DLG2: variants seen among roughly 807,000 people sequenced by gnomAD.
DLG2 encodes disks large homolog 2.
DLG2 carries 45 observed loss-of-function variants against 132.5 expected under a neutral mutation model. That is an observed-to-expected ratio of 0.34 (90% CI 0.27 to 0.44). The LOEUF (loss-of-function observed/expected upper bound fraction) is 0.44. Ranked by LOEUF, DLG2 falls within the 20% of genes least tolerant of loss-of-function variation. The pLI, the probability that DLG2 is intolerant of heterozygous loss-of-function variation, is 1.00. For synonymous variants in DLG2, 424 were observed against 419.6 expected (o/e 1.01, Z -0.13); for missense variants, 1,045 against 1,196.9 (o/e 0.87, Z 1.87).
intron 9 of DLG2, among the ~76,000 whole-genome samples, chr11:84,124,872 G>A (rs1321651719): frequency 8.0e-6 from 1 of 124,766 alleles, no homozygotes; most frequent in Non-Finnish European, 1.6e-5. Flanking sequence ...TTTTTTGAGA[G>A]GGTGTTTCGC....
chr11:83,676,705 T>C (rs2077759004), intron 18 of DLG2, among the ~76,000 whole-genome samples: 1 of 152,190 alleles, frequency 6.6e-6, no homozygotes, highest in African/African-American at 2.4e-5. Flanking sequence ...CAATGCATTC[T>C]GCCTTTCCAC....
chr11:84,720,535 G>A (rs2061692678), intron 6 of DLG2: 1 of 973,106 alleles, frequency 1.0e-6, no homozygotes, highest in Non-Finnish European at 1.2e-6. Flanking sequence ...CCGGAGCCCC[G>A]GTGGAAGCAA....
intron 3 of DLG2, among the ~76,000 whole-genome samples, chr11:85,445,367 G>C (rs2091960651): frequency 6.6e-6 from 1 of 152,106 alleles, no homozygotes; most frequent in Non-Finnish European, 1.5e-5. Flanking sequence ...AAAGCCCATT[G>C]TGATAGGAGT....
chr11:84,752,764 T>C (rs1314888000), intron 6 of DLG2, among the ~76,000 whole-genome samples: 1 of 124,522 alleles, frequency 8.0e-6, no homozygotes, highest in African/African-American at 3.1e-5. Context: ...TTCCCCTTCC[T>C]GTGTCCATGT....
chr11:83,710,798 G>T (rs188206403), intron 18 of DLG2, among the ~76,000 whole-genome samples: 1 of 152,118 alleles, frequency 6.6e-6, no homozygotes, highest in African/African-American at 2.4e-5. Context: ...AGAAGAAGCT[G>T]AGGGCAGGTG....
intron 6 of DLG2, among the ~76,000 whole-genome samples, chr11:84,776,635 T>C (rs2070567422): frequency 1.3e-5 from 2 of 152,220 alleles, no homozygotes; most frequent in South Asian, 4.1e-4. Flanking sequence ...ATTTCCATAA[T>C]GGCATATTAG....
intron 3 of DLG2, among the ~76,000 whole-genome samples, chr11:85,465,316 T>A (rs1035780049): frequency 7.3e-5 from 11 of 151,178 alleles, no homozygotes; most frequent in African/African-American, 7.3e-5. Context: ...AATTTTTTTT[T>A]AATTATACTT....
chr11:85,532,021 A>G (rs2075244220), intron 3 of DLG2, among the ~76,000 whole-genome samples: 3 of 152,174 alleles, frequency 2.0e-5, no homozygotes, highest in Admixed American at 1.3e-4. Flanking sequence ...ACCCATTATT[A>G]TCCAAGGAGA....
chr11:84,295,003 T>C (rs1332283644), intron 7 of DLG2, among the ~76,000 whole-genome samples: 1 of 152,212 alleles, frequency 6.6e-6, no homozygotes, highest in African/African-American at 2.4e-5. Flanking sequence ...ATTAAACATA[T>C]TAAATTTCCA....
At chr11:83,632,360 G>T in intron 19 of DLG2, 1 of 152,364 alleles carries the variant, frequency 6.6e-6, no homozygotes. Context: ...GGCCAGAGTG[G>T]GGAGTGGAGA....
chr11:84,598,116 T>G (rs2099568042), intron 6 of DLG2, among the ~76,000 whole-genome samples: 1 of 152,204 alleles, frequency 6.6e-6, no homozygotes, highest in Non-Finnish European at 1.5e-5. Flanking sequence ...TGGGGAGTAC[T>G]GTACCTAAAT....
At chr11:85,412,620 T>C (rs1033813010) in intron 3 of DLG2, among the ~76,000 whole-genome samples, 5 of 151,394 alleles carry the variant, frequency 3.3e-5, no homozygotes, top group African/African-American at 1.2e-4. Flanking sequence ...CATATGATGT[T>C]TGGTTTTTCA....
chr11:83,469,975 A>T (rs1189992182), intron 24 of DLG2, among the ~76,000 whole-genome samples: 1 of 152,164 alleles, frequency 6.6e-6, no homozygotes, highest in African/African-American at 2.4e-5. Flanking sequence ...TTTCACCTAA[A>T]TTTTTTGGTA....
At chr11:84,749,574 T>C (rs780626437) in intron 6 of DLG2, among the ~76,000 whole-genome samples, 11 of 152,146 alleles carry the variant, frequency 7.2e-5, no homozygotes, top group Non-Finnish European at 1.3e-4. Context: ...TCATACCATG[T>C]AGCCTAGGTA....
rs558926866 is a variant in DLG2, at chr11:85,431,478, A to T, written c.41-146113T>A. Among the ~76,000 whole-genome samples the T allele has an allele frequency of 6.6e-5, 10 of 152,360 alleles. No homozygotes were observed. The South Asian group carries it at 2.1e-3, about 32-fold the overall frequency. ...GGCTCCCAACCACGGAGCCCTGCAG[A>T]TTCTCAACAGCCACATGGCTAGAAT... On this transcript the variant is annotated intron_variant, in intron 3 of 27. Transcript: ENST00000376104.
At chr11:84,238,047 A>T (rs1598131890) in intron 8 of DLG2, among the ~76,000 whole-genome samples, 1 of 150,146 alleles carries the variant, frequency 6.7e-6, no homozygotes, top group East Asian at 1.9e-4. Context: ...CTGCCTAAAA[A>T]AAAAAAAAAA....
At chr11:83,847,061 C>T (rs1301346202) in intron 16 of DLG2, among the ~76,000 whole-genome samples, 2 of 151,556 alleles carry the variant, frequency 1.3e-5, no homozygotes, top group East Asian at 1.9e-4. Flanking sequence ...GCTTTTGCTC[C>T]CTGTTGCATT....
chr11:84,537,366 A>G (rs1482074144), intron 6 of DLG2, among the ~76,000 whole-genome samples: 1 of 152,114 alleles, frequency 6.6e-6, no homozygotes, highest in Admixed American at 6.5e-5. Context: ...TCAGCCTCCC[A>G]AAGTGCTAGG....
At chr11:85,536,786 G>A (rs759899364) in intron 3 of DLG2, among the ~76,000 whole-genome samples, 5 of 152,192 alleles carry the variant, frequency 3.3e-5, no homozygotes, top group Admixed American at 6.5e-5. Flanking sequence ...CCCTTTTCAC[G>A]GGATGATTGG....
Sources: allele counts gnomAD v4.1 joint callset (sites outside exome capture counted in the v4.1 genomes callset), GRCh38; gene constraint gnomAD v4.1.1; transcripts MANE v1.5; gene names NCBI Gene and HGNC (gene_info 2026-07-23, HGNC 2026-07-21).